Variants in CAPN9 observed in about 807,000 individuals in gnomAD.
CAPN9 encodes calpain-9.
CAPN9 carries 81 observed loss-of-function variants against 92.8 expected under a neutral mutation model. The observed-to-expected ratio is 0.87, with a 90% confidence interval of 0.73 to 1.05. The LOEUF is 1.05. Ranked by LOEUF, CAPN9 falls within the 50% of genes least tolerant of loss-of-function variation. The pLI is 0.00. For synonymous variants in CAPN9, 304 were observed against 328.0 expected (o/e 0.93, Z 0.79); for missense variants, 848 against 866.2 (o/e 0.98, Z 0.26).
intron 4 of CAPN9, 27 bp downstream of exon 4, chr1:230,762,813 C>A (rs775822929): frequency 1.3e-4 from 214 of 1,608,912 alleles, no homozygotes; most frequent in Non-Finnish European, 1.7e-4. Context: ...CCAGCTCAGG[C>A]AGCCTCCCGA....
intron 18 of CAPN9, 98 bp from the exon 19 acceptor site, chr1:230,798,064 C>A: frequency 1.2e-6 from 1 of 830,108 alleles, no homozygotes; most frequent in Non-Finnish European, 2.0e-6. Flanking sequence ...GAGCAGCTTC[C>A]CCACAGGCTC....
intron 6 of CAPN9, 41 bp from the exon 7 acceptor site, chr1:230,771,973 T>C: frequency 6.5e-7 from 1 of 1,540,830 alleles, no homozygotes; most frequent in Middle Eastern, 1.7e-4. Flanking sequence ...ACCTCCACCA[T>C]ATTTATCATT....
rs1221175390 is a variant in CAPN9 at position 230,767,606 on chromosome 1, G to T, written c.602G>T (p.Gly201Val). The change falls in exon 5 of 20, where the codon GGG (glycine) becomes GTG (valine). Residue 201 changes from glycine to valine, a missense_variant. Transcript: ENST00000271971. ...SAIEAMEDFTGGVAETFQTKE... is the reference protein window; with the variant it reads ...SAIEAMEDFTVGVAETFQTKE... Reference sequence around the variant, plus strand: ...ATCGAGGCCATGGAAGACTTCACTGGGGGTGTGGCAGAGACCTTCCAAACT... The same window carrying T: ...ATCGAGGCCATGGAAGACTTCACTGTGGGTGTGGCAGAGACCTTCCAAACT... 5 of 1,613,758 alleles carry T rather than the reference G, an allele frequency of 3.1e-6. No individual in the cohort carries two copies. The highest frequency in any genetic ancestry group is 4.2e-6 in the Non-Finnish European group (5 of 1,179,896).
chr1:230,785,826 G>A (rs140053974), intron 11 of CAPN9, among the ~76,000 whole-genome samples, 155 bp from the exon 12 acceptor site: 141 of 152,312 alleles, frequency 9.3e-4, no homozygotes, highest in Middle Eastern at 3.4e-3. Flanking sequence ...GGGTGTCAAT[G>A]CATGGGGTCT....
chr1:230,800,813 G>A (rs918595703), intron 19 of CAPN9, among the ~76,000 whole-genome samples: 1 of 152,128 alleles, frequency 6.6e-6, no homozygotes, highest in African/African-American at 2.4e-5. Context: ...GTGCAGCCAG[G>A]TCTGAAGTAT....
intron 14 of CAPN9, among the ~76,000 whole-genome samples, chr1:230,791,327 G>T (rs1330589814): frequency 6.6e-6 from 1 of 152,134 alleles, no homozygotes; most frequent in African/African-American, 2.4e-5. Context: ...TAGTTAAGAG[G>T]ATTGCTTAAC....
intron 19 of CAPN9, among the ~76,000 whole-genome samples, chr1:230,800,555 T>C (rs1668668834): frequency 6.6e-6 from 1 of 152,106 alleles, no homozygotes; most frequent in African/African-American, 2.4e-5. Context: ...CTAACGCAAG[T>C]GTCCACAGGT....
chr1:230,753,837 G>A (rs1371194317), intron 1 of CAPN9, among the ~76,000 whole-genome samples: 1 of 135,078 alleles, frequency 7.4e-6, no homozygotes, highest in East Asian at 2.1e-4. Context: ...GACCGGCCCG[G>A]CTTCCTCCCT....
chr1:230,767,292 A>T (rs1355262238), intron 4 of CAPN9, among the ~76,000 whole-genome samples: 1 of 152,134 alleles, frequency 6.6e-6, no homozygotes, highest in East Asian at 1.9e-4. Context: ...GCGGCCACTC[A>T]GGCACCAGAG....
chr1:230,792,587 G>A lies in CAPN9; in HGVS notation c.1791+93G>A, dbSNP rs572314196. 3 of 1,013,978 alleles carry A rather than the reference G, an allele frequency of 3.0e-6. No homozygotes were observed. The East Asian group carries it at 7.1e-5, about 24-fold the overall frequency. 62.8% of individuals were successfully genotyped at this position (1,013,978 alleles called of 1,614,324 possible). The stretch of plus-strand genomic sequence containing the variant: ...ATGGTGCAGCAGGCTGCAGGCTATA[G>A]GCTAGAGGAATTGTATTCGGACAGG... On this transcript the variant is annotated intron_variant, in intron 16 of 19. Transcript: ENST00000271971.
At chr1:230,775,693 G>A (rs1666712159) in intron 8 of CAPN9, among the ~76,000 whole-genome samples, 1 of 152,138 alleles carries the variant, frequency 6.6e-6, no homozygotes, top group Non-Finnish European at 1.5e-5. Flanking sequence ...CAAGGCGGGT[G>A]GATCACGAGG....
chr1:230,784,551 T>C (rs893534057), intron 11 of CAPN9, among the ~76,000 whole-genome samples: 3 of 152,262 alleles, frequency 2.0e-5, no homozygotes, highest in Non-Finnish European at 4.4e-5. Flanking sequence ...CAGTTTGGGC[T>C]ACTGCTTCAG....
intron 12 of CAPN9, 133 bp from the exon 13 acceptor site, chr1:230,787,389 C>T (rs1443150476): frequency 4.1e-5 from 28 of 676,512 alleles, no homozygotes; most frequent in Non-Finnish European, 5.7e-5. Flanking sequence ...CGCTACAGGA[C>T]GCAGCTTGTG....
At chr1:230,784,332 C>G (rs974105052) in intron 11 of CAPN9, among the ~76,000 whole-genome samples, 16 of 152,222 alleles carry the variant, frequency 1.1e-4, no homozygotes, top group African/African-American at 3.1e-4. Context: ...GAGCCAAGTG[C>G]TATAACCAAG....
At position 230,780,631 on chromosome 1, in the gene CAPN9, G is replaced by A. The variant is rs1377347990; in HGVS notation, c.1404G>A (p.Leu468=). Reference sequence around the variant, plus strand: ...AGCTGCCCCCTGGGGAGTACATCCTGATTCCCAGCACTTTTGAGCCCCACC... The same window carrying A: ...AGCTGCCCCCTGGGGAGTACATCCTAATTCCCAGCACTTTTGAGCCCCACC... ...RFKLPPGEYI[L]IPSTFEPHQE... Residue 468 remains leucine, a synonymous_variant, in exon 11 of 20, where the codon CTG becomes CTA. Transcript: ENST00000271971. The A allele has an allele frequency of 6.2e-7, 1 of 1,614,030 alleles. No homozygotes were observed. The highest frequency in any genetic ancestry group is 1.3e-5 in the African/African-American group (1 of 74,902).
rs774623415 is a variant in CAPN9, at chr1:230,774,636, C to T, written c.953+5C>T. 38 of 1,610,508 alleles carry T rather than the reference C, an allele frequency of 2.4e-5. No individual in the cohort carries two copies. Among genetic ancestry groups the T allele is most frequent in the South Asian group, 7.7e-5 (7 of 91,022 alleles). ...TCTGGATGATGGGGAATTCTGGTAC[C>T]GTGCTTGTTCCTGTGTTAACTGCAG... On this transcript the variant is annotated splice_donor_5th_base_variant and intron_variant, in intron 8 of 19. Transcript: ENST00000271971.
chr1:230,747,634 A>G lies in CAPN9; in HGVS notation c.138A>G (p.Ala46=). The change falls in exon 1 of 20, where the codon GCA becomes GCG. Residue 46 remains alanine, a synonymous_variant. Transcript: ENST00000271971. ...AGAGAGGCACCCTGTTTGAGGATGCAGACTTCCCAGCCAGCAATTCCTCCC... is the reference window on the plus strand; with the variant it reads ...AGAGAGGCACCCTGTTTGAGGATGCGGACTTCCCAGCCAGCAATTCCTCCC... The part of the protein sequence containing the change: ...CLQRGTLFED[A]DFPASNSSLF... 1 of 1,614,148 alleles carries G rather than the reference A, an allele frequency of 6.2e-7. No individual in the cohort carries two copies. Among genetic ancestry groups the G allele is most frequent in the Non-Finnish European group, 8.5e-7 (1 of 1,180,026 alleles).
In CAPN9 at chr1:230,800,299, A is replaced by T. The variant is rs1172327123; in HGVS notation, c.2047-1271A>T. 1.7e-3 allele frequency among the ~76,000 whole-genome samples: 149 copies of T among 85,426 alleles called. 3 individuals are homozygous for T. The Middle Eastern group carries it at 0.031, about 18-fold the overall frequency. 56.0% of individuals were successfully genotyped at this position (85,426 alleles called of 152,430 possible). On this transcript the variant is annotated intron_variant, in intron 19 of 19. Coordinates refer to ENST00000271971, the MANE Select transcript of CAPN9 (RefSeq NM_006615.3). ...GAAAGAAAGAAAGAAAGAAAGAAAG[A>T]AAGAAAGGAAAAACAAGAGAGACCC... is the stretch of plus-strand genomic sequence containing the variant.
At chr1:230,755,436 AGGGAGGTTGAGTCACT>A in intron 2 of CAPN9, 30 bp downstream of exon 2, 1 of 1,552,824 alleles carries the variant, frequency 6.4e-7, no homozygotes, top group Non-Finnish European at 8.8e-7. Flanking sequence ...GCATGGCGAG[AGGGAGGTTGAGTCACT>A]GGGACAGGCA....
Sources: gnomAD v4.1 joint callset for allele counts (sites outside exome capture counted in the v4.1 genomes callset) on GRCh38, gnomAD v4.1.1 for gene constraint, MANE v1.5 for transcripts, NCBI Gene and HGNC (gene_info 2026-07-23, HGNC 2026-07-21) for gene names.